The following PCDHA9 variants were observed in gnomAD, a reference collection of about 807,000 sequenced individuals.
PCDHA9 encodes protocadherin alpha-9.
A neutral mutation model predicts 62.0 loss-of-function variants in PCDHA9; 62 were observed. The observed-to-expected ratio is 1.00, with a 90% CI of 0.81 to 1.23. The LOEUF (loss-of-function observed/expected upper bound fraction) is 1.23. Ranked by LOEUF, PCDHA9 falls within the 50% of genes most tolerant of loss-of-function variation. PCDHA9 has a pLI of 0.00. For missense variants in PCDHA9, 1,205 were observed against 1,249.8 expected (o/e 0.96, Z 0.54); for synonymous variants, 557 against 567.6 (o/e 0.98, Z 0.27).
rs2150436326 is a variant in PCDHA9 at position 140,849,370 on chromosome 5, A to C, written c.875A>C (p.Lys292Thr). ...GATGTTTCTCCAGATATAAAATCCA[A>C]GTTCCACATGGACCCCTTAAGTGGG... ...SSDVSPDIKS[K>T]FHMDPLSGAI... The change falls in exon 1 of 4, where the codon AAG (lysine) becomes ACG (threonine). Residue 292 changes from lysine to threonine, a missense_variant. Lys to Thr is a moderately conservative substitution (Grantham distance 78). Transcript: ENST00000532602. 2.7e-6 allele frequency: 4 copies of C among 1,490,456 alleles called. No homozygotes were observed. The East Asian group carries it at 9.1e-5, about 34-fold the overall frequency. The allele number at this position is 1,490,456 out of a possible 1,614,324, so 92.3% of individuals were successfully genotyped here. A position where few individuals can be genotyped will look rare whatever the true frequency, so the allele number is the denominator to read the frequency against.
rs190283736 is a variant in PCDHA9 at position 140,986,671 on chromosome 5, A to G, written c.2542+4108A>G. 1.7e-3 allele frequency among the ~76,000 whole-genome samples: 261 copies of G among 152,322 alleles called. 3 individuals carry two copies. The highest frequency in any genetic ancestry group is 2.2e-4 in the Non-Finnish European group (15 of 68,018). ...GTGGGAGATGCTCACAGTTTTCAGA[A>G]GAGTTCAGAAAGTTTCAAAACACAC... On this transcript the variant is annotated intron_variant, in intron 3 of 3. Coordinates refer to ENST00000532602, the MANE Select transcript of PCDHA9 (RefSeq NM_031857.2).
In PCDHA9 at chr5:140,968,153, A is replaced by G; in HGVS notation, c.2395-10796A>G. 2 of 1,614,142 alleles carry G rather than the reference A, an allele frequency of 1.2e-6. No individual in the cohort carries two copies. The highest frequency in any genetic ancestry group is 8.5e-7 in the Non-Finnish European group (1 of 1,180,046). On this transcript the variant is annotated intron_variant, in intron 1 of 3. Coordinates refer to ENST00000532602, the MANE Select transcript of PCDHA9 (RefSeq NM_031857.2). ...ACTGAAGGTTGAGATCTCTGACATC[A>G]ATGACAATCCACCAAGCTTCCTGGA...
rs2098423512 is a variant in PCDHA9 at position 141,012,298 on chromosome 5, T to A, written c.*2361T>A. On this transcript the variant is annotated 3_prime_UTR_variant, in exon 4 of 4. Transcript: ENST00000532602. ...ATGTGGATTCATTTTGAATTGGTGC[T>A]ATTGGTATTTCCTCTGTTATTGCTA... is the stretch of plus-strand genomic sequence containing the variant. The A allele has an allele frequency of 6.5e-6, 1 of 153,804 alleles. No individual in the cohort carries two copies. Among genetic ancestry groups the A allele is most frequent in the Non-Finnish European group, 1.5e-5 (1 of 68,048 alleles). 9.5% of individuals were successfully genotyped at this position (153,804 alleles called of 1,614,324 possible). A position where few individuals can be genotyped will look rare whatever the true frequency, so the allele number is the denominator to read the frequency against.
chr5:140,898,338 C>G (rs2066670384), intron 1 of PCDHA9, among the ~76,000 whole-genome samples: 2 of 152,188 alleles, frequency 1.3e-5, no homozygotes, highest in African/African-American at 2.4e-5. Flanking sequence ...ACGTTTAAGT[C>G]TTTAATCCAT....
rs1466426021 is a variant in PCDHA9 at position 140,917,334 on chromosome 5, G to C, written c.2395-61615G>C. On this transcript the variant is annotated intron_variant, in intron 1 of 3. Transcript: ENST00000532602. ...TTGGTGTTCATGTGGCGGGGGAGGG[G>C]GGGGATGGTGTAGGCTTCTGTTCCA... Among the ~76,000 whole-genome samples the C allele has an allele frequency of 4.7e-5, 7 of 147,744 alleles. 2 individuals carry two copies. The highest frequency in any genetic ancestry group is 1.4e-4 in the Admixed American group (2 of 14,792).
At chr5:140,883,609 C>T (rs2059699123) in intron 1 of PCDHA9, 1 of 1,614,032 alleles carries the variant, frequency 6.2e-7, no homozygotes, top group Non-Finnish European at 8.5e-7. Flanking sequence ...GGGTGGCCGA[C>T]GTGAACGACA....
Position 141,000,395 on chromosome 5 carries a change from C to CTA in PCDHA9, c.2543-9206_2543-9205dup, listed in dbSNP as rs1190667031. 1.6e-3 allele frequency among the ~76,000 whole-genome samples: 89 copies of CTA among 53,960 alleles called. 3 individuals carry two copies. Among genetic ancestry groups the CTA allele is most frequent in the Non-Finnish European group, 2.3e-3 (71 of 31,108 alleles). 35.4% of individuals were successfully genotyped at this position (53,960 alleles called of 152,430 possible). A position where few individuals can be genotyped will look rare whatever the true frequency, so the allele number is the denominator to read the frequency against. ...TCTCTCTCTCTCTCTCTCTCTCTCT[C>CTA]TATATATATATATATATATATATAT... On this transcript the variant is annotated intron_variant, in intron 3 of 3. Coordinates refer to ENST00000532602, the MANE Select transcript of PCDHA9 (RefSeq NM_031857.2).
chr5:140,910,053 G>C (rs2074856503), intron 1 of PCDHA9, among the ~76,000 whole-genome samples: 1 of 152,170 alleles, frequency 6.6e-6, no homozygotes, highest in Non-Finnish European at 1.5e-5. Context: ...CATAATAAGT[G>C]ATCTTTTAAC....
intron 1 of PCDHA9, chr5:140,871,330 G>A: frequency 1.9e-6 from 3 of 1,614,116 alleles, no homozygotes; most frequent in South Asian, 1.1e-5. Flanking sequence ...GTGCTCCCGC[G>A]CGGTGGGGAG....
At position 140,858,014 on chromosome 5, in the gene PCDHA9, C is replaced by T. The variant is rs782738271; in HGVS notation, c.2394+7125C>T. 5 of 1,596,754 alleles carry T rather than the reference C, an allele frequency of 3.1e-6. No homozygotes were observed. Among genetic ancestry groups the T allele is most frequent in the African/African-American group, 1.3e-5 (1 of 74,296 alleles). ...GGTGCTGGTGAAGGACCATGGCGAG[C>T]CGTCGCTGACGGCCACGGCCACTGT... On this transcript the variant is annotated intron_variant, in intron 1 of 3. Coordinates refer to ENST00000532602, the MANE Select transcript of PCDHA9 (RefSeq NM_031857.2).
intron 1 of PCDHA9, chr5:140,967,393 G>A (rs1437861925): frequency 1.2e-6 from 2 of 1,609,910 alleles, no homozygotes; most frequent in African/African-American, 2.7e-5. Flanking sequence ...TGCTTGAGCT[G>A]GTGCTGCGTA....
intron 1 of PCDHA9, chr5:140,858,161 G>T: frequency 6.3e-7 from 1 of 1,597,836 alleles, no homozygotes; most frequent in Non-Finnish European, 8.6e-7. Flanking sequence ...CATCTGCGCG[G>T]TGTCCAGCTT....
intron 1 of PCDHA9, chr5:140,967,039 G>GCTGGAC (rs1192512561): frequency 1.2e-6 from 2 of 1,611,626 alleles, no homozygotes; most frequent in Non-Finnish European, 1.7e-6. Flanking sequence ...GCTACCTGGA[G>GCTGGAC]CTGGACCTGA....
chr5:140,927,811 G>A, intron 1 of PCDHA9: 1 of 1,614,186 alleles, frequency 6.2e-7, no homozygotes, highest in Non-Finnish European at 8.5e-7. Context: ...AACGCTCTTG[G>A]AGGCATACAT....
chr5:140,901,588 T>A (rs1245761513), intron 1 of PCDHA9, among the ~76,000 whole-genome samples: 1 of 152,176 alleles, frequency 6.6e-6, no homozygotes, highest in Non-Finnish European at 1.5e-5. Flanking sequence ...TGCCATGATG[T>A]TTTGGTTACT....
At chr5:140,927,558 T>C (rs1554204736) in intron 1 of PCDHA9, 1 of 1,614,144 alleles carries the variant, frequency 6.2e-7, no homozygotes, top group East Asian at 2.2e-5. Context: ...TCACCATCAT[T>C]GTGGTGGACA....
At chr5:140,856,030 A>G in intron 1 of PCDHA9, 2 of 1,561,578 alleles carry the variant, frequency 1.3e-6, no homozygotes, top group East Asian at 4.5e-5. Context: ...GTCGATTTGT[A>G]AAACAAGAGA....
intron 1 of PCDHA9, chr5:140,871,163 GC>G: frequency 6.2e-7 from 1 of 1,613,476 alleles, no homozygotes; most frequent in Non-Finnish European, 8.5e-7. Context: ...GGCGCCGCGA[GC>G]CCAGAGGCTG....
intron 1 of PCDHA9, among the ~76,000 whole-genome samples, chr5:140,963,902 A>G (rs1227304928): frequency 6.6e-6 from 1 of 152,218 alleles, no homozygotes; most frequent in Non-Finnish European, 1.5e-5. Flanking sequence ...AAATGAGTAA[A>G]GTGAAGCTTA....
Sources: allele counts gnomAD v4.1 joint callset (sites outside exome capture counted in the v4.1 genomes callset), GRCh38; gene constraint gnomAD v4.1.1; transcripts MANE v1.5; gene names NCBI Gene and HGNC (gene_info 2026-07-23, HGNC 2026-07-21).